The following NSRP1 variants were observed in gnomAD, a reference collection of about 807,000 sequenced individuals.
The protein encoded by NSRP1 is coiled-coil domain containing 55.
Under a neutral mutation model 54.7 loss-of-function variants are expected in NSRP1, and 24 were observed. The observed-to-expected ratio is 0.44, with a 90% confidence interval of 0.32 to 0.62. NSRP1 has a LOEUF of 0.62. NSRP1 is among the 20% of genes least tolerant of loss of function. NSRP1 has a pLI of 0.06. For missense variants in NSRP1, 596 were observed against 651.2 expected (o/e 0.92, Z 0.92); for synonymous variants, 210 against 213.8 (o/e 0.98, Z 0.15).
chr17:30,181,924 T>C (rs1905315497), intron 6 of NSRP1, among the ~76,000 whole-genome samples: 1 of 151,918 alleles, frequency 6.6e-6, no homozygotes, highest in Admixed American at 6.6e-5. Flanking sequence ...TTTGTATTTT[T>C]GTTGTGGAGA....
In NSRP1 at chr17:30,128,922, T is replaced by G. The variant is rs532968053; in HGVS notation, c.114+10749T>G. The stretch of plus-strand genomic sequence containing the variant: ...GCAGACAATGAGTGGTTTTTTTGTT[T>G]TTTTTTTTTTAATTTGTAGAGATGG... On this transcript the variant is annotated intron_variant, in intron 2 of 6. Transcript: ENST00000247026. 1.2e-4 allele frequency among the ~76,000 whole-genome samples: 18 copies of G among 151,672 alleles called. 1 individual carries two copies. In the Middle Eastern group the frequency reaches 0.01, roughly 87 times the overall value.
chr17:30,135,878 A>G (rs970949117), intron 2 of NSRP1, among the ~76,000 whole-genome samples: 1 of 151,904 alleles, frequency 6.6e-6, no homozygotes, highest in Non-Finnish European at 1.5e-5. Context: ...AAAACTGCTT[A>G]TTTTATTTTA....
At chr17:30,123,871 T>G (rs8081379) in intron 2 of NSRP1, among the ~76,000 whole-genome samples, 2,398 of 152,298 alleles carry the variant, frequency 0.016, 66 homozygotes, top group African/African-American at 0.054. Context: ...AGCACCCTTG[T>G]GGTTTAATAT....
rs557189144 is a variant in NSRP1 at position 30,130,886 on chromosome 17, C to T, written c.114+12713C>T. 2.6e-5 allele frequency among the ~76,000 whole-genome samples: 4 copies of T among 152,292 alleles called. No homozygotes were observed. In the South Asian group the frequency reaches 8.3e-4, roughly 32 times the overall value. ...GGATCATCTTTGTCTTTCATATCAT[C>T]GTCATGCATTTATTAATGCATTCAA... On this transcript the variant is annotated intron_variant, in intron 2 of 6. Coordinates refer to ENST00000247026, the MANE Select transcript of NSRP1 (RefSeq NM_032141.4).
intron 2 of NSRP1, chr17:30,122,350 TTCATATATATA>T (rs2071606213): frequency 1.3e-5 from 1 of 78,246 alleles, no homozygotes; most frequent in African/African-American, 5.5e-5. Flanking sequence ...TAACTCTGGT[TTCATATATATA>T]TATATATATA....
chr17:30,171,972 A>ACACACTCTCTCT (rs1169988659), intron 2 of NSRP1, among the ~76,000 whole-genome samples: 4 of 46,584 alleles, frequency 8.6e-5, no homozygotes, highest in Admixed American at 2.2e-4. Flanking sequence ...ACACACACAC[A>ACACACTCTCTCT]CTCCCTCTCT....
chr17:30,125,973 G>C (rs2071646275), intron 2 of NSRP1: 1 of 152,196 alleles, frequency 6.6e-6, no homozygotes, highest in Non-Finnish European at 1.5e-5. Context: ...AGCATATTCT[G>C]ATGCTGCTAT....
intron 2 of NSRP1, among the ~76,000 whole-genome samples, chr17:30,167,759 C>T (rs1904789330): frequency 6.6e-6 from 1 of 152,114 alleles, no homozygotes; most frequent in Non-Finnish European, 1.5e-5. Context: ...ATCTGTTTTT[C>T]ATTGATACTA....
chr17:30,157,301 A>G (rs998949245), intron 2 of NSRP1, among the ~76,000 whole-genome samples: 3 of 152,046 alleles, frequency 2.0e-5, no homozygotes, highest in African/African-American at 4.8e-5. Context: ...AGAAATCTCT[A>G]TTGCCCACTT....
intron 2 of NSRP1, among the ~76,000 whole-genome samples, chr17:30,120,841 ATTC>A (rs1247966215): frequency 1.3e-5 from 2 of 152,196 alleles, no homozygotes; most frequent in Non-Finnish European, 2.9e-5. Flanking sequence ...AACCTATACT[ATTC>A]TTCTGTCTTG....
At chr17:30,177,168 C>T (rs541595218) in intron 3 of NSRP1, among the ~76,000 whole-genome samples, 1 of 152,056 alleles carries the variant, frequency 6.6e-6, no homozygotes, top group East Asian at 1.9e-4. Context: ...CCCAGGAGTT[C>T]AAGACCAGCC....
chr17:30,143,586 A>T (rs2071825760), intron 2 of NSRP1, among the ~76,000 whole-genome samples: 1 of 152,132 alleles, frequency 6.6e-6, no homozygotes, highest in African/African-American at 2.4e-5. Flanking sequence ...TTGACTGTTC[A>T]TTATAAGTGT....
chr17:30,150,885 G>T (rs1367159491), intron 2 of NSRP1, among the ~76,000 whole-genome samples: 2 of 151,218 alleles, frequency 1.3e-5, no homozygotes, highest in Non-Finnish European at 2.9e-5. Flanking sequence ...ATGGGGTTTT[G>T]CTGTGTTGGC....
At position 30,158,448 on chromosome 17, in the gene NSRP1, C is replaced by T. The variant is rs1031399481; in HGVS notation, c.115-14094C>T. Among the ~76,000 whole-genome samples, 7 of 151,812 alleles carry T rather than the reference C, an allele frequency of 4.6e-5. No homozygotes were observed. The East Asian group carries it at 1.2e-3, about 25-fold the overall frequency. On this transcript the variant is annotated intron_variant, in intron 2 of 6. Transcript: ENST00000247026. The stretch of plus-strand genomic sequence containing the variant: ...TCTGCTGAGGGTTTTCTTTGCTGTA[C>T]GGAAGTGTTTTAGTTTAATACAGTC...
intron 2 of NSRP1, among the ~76,000 whole-genome samples, chr17:30,162,075 G>A (rs1904536550): frequency 6.7e-6 from 1 of 148,322 alleles, no homozygotes; most frequent in Non-Finnish European, 1.5e-5. Flanking sequence ...AGGCTGGAGT[G>A]CAGTGGCGCA....
chr17:30,141,980 G>A (rs2071809673), intron 2 of NSRP1, among the ~76,000 whole-genome samples: 1 of 152,132 alleles, frequency 6.6e-6, no homozygotes, highest in African/African-American at 2.4e-5. Context: ...CTCCAGCCTG[G>A]GCAACAGAGT....
chr17:30,136,878 A>T (rs957159249), intron 2 of NSRP1, among the ~76,000 whole-genome samples: 2 of 152,198 alleles, frequency 1.3e-5, no homozygotes, highest in African/African-American at 4.8e-5. Context: ...TTGTACATAC[A>T]TCATATTTTA....
chr17:30,119,565 C>T (rs1467440543), intron 2 of NSRP1, among the ~76,000 whole-genome samples: 1 of 151,364 alleles, frequency 6.6e-6, no homozygotes, highest in Non-Finnish European at 1.5e-5. Flanking sequence ...TGCAGTGGTG[C>T]GATCTCAGCT....
At chr17:30,165,028 C>T (rs982805596) in intron 2 of NSRP1, among the ~76,000 whole-genome samples, 5 of 151,794 alleles carry the variant, frequency 3.3e-5, no homozygotes, top group South Asian at 2.1e-4. Flanking sequence ...AATGTTTTTG[C>T]GATATTTATA....
Sources: gnomAD v4.1 joint callset for allele counts (sites outside exome capture counted in the v4.1 genomes callset) on GRCh38, gnomAD v4.1.1 for gene constraint, MANE v1.5 for transcripts, NCBI Gene and HGNC (gene_info 2026-07-23, HGNC 2026-07-21) for gene names.